Variants in MRAS observed in about 807,000 individuals in gnomAD.
The protein encoded by MRAS is ras-related protein M-Ras.
Under a neutral mutation model 20.9 loss-of-function variants are expected in MRAS, and 4 were observed. The ratio of observed to expected loss-of-function variants is 0.19; its 90% CI spans 0.09 to 0.44. The LOEUF is 0.44. MRAS is among the 20% of genes least tolerant of loss of function. The pLI is 0.99. For missense variants in MRAS, 154 were observed against 277.5 expected, an observed-to-expected ratio of 0.56 and a Z score of 3.16; for synonymous variants, 98 against 102.9, an observed-to-expected ratio of 0.95 and a Z score of 0.29.
intron 1 of MRAS, among the ~76,000 whole-genome samples, chr3:138,367,477 G>A (rs995418756): frequency 6.6e-6 from 1 of 152,128 alleles, no homozygotes; most frequent in African/African-American, 2.4e-5. Flanking sequence ...GACTATTCCT[G>A]GGAGGTCTTA....
At chr3:138,391,750 A>C (rs1430466454) in intron 2 of MRAS, among the ~76,000 whole-genome samples, 8 of 152,258 alleles carry the variant, frequency 5.3e-5, no homozygotes, top group Admixed American at 3.9e-4. Flanking sequence ...CAGATAAAGG[A>C]CAAAACTTAG....
chr3:138,402,277 G>C lies in MRAS; in HGVS notation c.*8G>C, dbSNP rs756972675. 61 of 1,612,944 alleles carry C rather than the reference G, an allele frequency of 3.8e-5. No homozygotes were observed. In the Middle Eastern group the frequency reaches 8.2e-4, roughly 22 times the overall value. On this transcript the variant is annotated 3_prime_UTR_variant, in exon 6 of 6. Coordinates refer to ENST00000423968, the MANE Select transcript of MRAS (RefSeq NM_001085049.3). ...CAATGTGTGATCTTGTGACAGGCCT[G>C]AGGCCCTGGGCACAGTGACGGTGGC...
Position 138,372,892 on chromosome 3 carries a change from C to T in MRAS, c.9C>T (p.Thr3=). MA[T]SAVPSDNLPT... is the part of the protein sequence containing the mutation. ...TCTGACCTACGAGAAACATGGCAAC[C>T]AGCGCCGTCCCCAGTGACAACCTCC... is the stretch of plus-strand genomic sequence containing the variant. The change falls in exon 2 of 6, where the codon ACC becomes ACT. Residue 3 remains threonine (T), a synonymous_variant. Transcript: ENST00000423968. The T allele has an allele frequency of 6.5e-7, 1 of 1,537,052 alleles. No homozygotes were observed. Among genetic ancestry groups the T allele is most frequent in the Non-Finnish European group, 8.7e-7 (1 of 1,150,984 alleles).
At chr3:138,367,702 G>T (rs2108512483) in intron 1 of MRAS, among the ~76,000 whole-genome samples, 1 of 152,342 alleles carries the variant, frequency 6.6e-6, no homozygotes, top group East Asian at 1.9e-4. Context: ...AGCTTCCCAT[G>T]TGTTGGGCTC....
chr3:138,397,214 C>T lies in MRAS; in HGVS notation c.194-110C>T, dbSNP rs184174526. 275 of 1,334,426 alleles carry T rather than the reference C, an allele frequency of 2.1e-4. 1 individual carries two copies. In the Admixed American group the frequency reaches 5.2e-3, roughly 25 times the overall value. The allele number at this position is 1,334,426 out of a possible 1,614,324, so 82.7% of individuals were successfully genotyped here. Reference sequence around the variant, plus strand: ...TTATGCAGCCTCTCACGGGACAGCTCGGACTGGGCCACGGTAGGGACAGCA... The same window carrying T: ...TTATGCAGCCTCTCACGGGACAGCTTGGACTGGGCCACGGTAGGGACAGCA... On this transcript the variant is annotated intron_variant, in intron 2 of 5. Transcript: ENST00000423968.
intron 1 of MRAS, among the ~76,000 whole-genome samples, chr3:138,357,945 C>A (rs1048432323): frequency 6.6e-6 from 1 of 152,220 alleles, no homozygotes; most frequent in African/African-American, 2.4e-5. Flanking sequence ...TGGATACTTT[C>A]CCCCAGACCT....
intron 1 of MRAS, among the ~76,000 whole-genome samples, chr3:138,369,962 C>T (rs1320194090): frequency 6.6e-6 from 1 of 152,202 alleles, no homozygotes. Flanking sequence ...CTTTTCAATA[C>T]CTTCCCACCC....
In MRAS at chr3:138,356,014, TGA is replaced by T. The variant is rs1249022298; in HGVS notation, c.-19+7252_-19+7253del. ...GCAAAAGCCAGCGAAGGCTGGGTGC[TGA>T]GAGACCTCAGAAGGCCCTGCTTTAC... On this transcript the variant is annotated intron_variant, in intron 1 of 5. Transcript: ENST00000423968. 7.2e-5 allele frequency among the ~76,000 whole-genome samples: 11 copies of T among 152,344 alleles called. No individual in the cohort carries two copies. The South Asian group carries it at 2.3e-3, about 32-fold the overall frequency.
In MRAS at chr3:138,373,095, C is replaced by G; in HGVS notation, c.193+19C>G. On this transcript the variant is annotated intron_variant, in intron 2 of 5. Coordinates refer to ENST00000423968, the MANE Select transcript of MRAS (RefSeq NM_001085049.3). ...TTGGACGGTGAGACCTGGGTGGCAGCCCTGCATTGGGTGGGATAGTAGATG... is the reference window on the plus strand; with the variant it reads ...TTGGACGGTGAGACCTGGGTGGCAGGCCTGCATTGGGTGGGATAGTAGATG... 2 of 1,435,706 alleles carry G rather than the reference C, an allele frequency of 1.4e-6. No homozygotes were observed. The highest frequency in any genetic ancestry group is 1.8e-6 in the Non-Finnish European group (2 of 1,091,892). 88.9% of individuals were successfully genotyped at this position (1,435,706 alleles called of 1,614,324 possible).
At chr3:138,371,341 C>T (rs975642624) in intron 1 of MRAS, among the ~76,000 whole-genome samples, 8 of 152,288 alleles carry the variant, frequency 5.3e-5, no homozygotes, top group Admixed American at 2.0e-4. Flanking sequence ...TGTCCAGCCC[C>T]CTTTCTGTCA....
At chr3:138,356,130 C>G (rs1270688169) in intron 1 of MRAS, among the ~76,000 whole-genome samples, 1 of 152,210 alleles carries the variant, frequency 6.6e-6, no homozygotes, top group Non-Finnish European at 1.5e-5. Flanking sequence ...TGGAAATCCA[C>G]ATATGTGTTA....
chr3:138,384,844 A>G (rs2054977408), intron 2 of MRAS, among the ~76,000 whole-genome samples: 1 of 152,220 alleles, frequency 6.6e-6, no homozygotes, highest in Non-Finnish European at 1.5e-5. Flanking sequence ...CCTGCAGCCA[A>G]GTGAAGAAGG....
chr3:138,364,551 C>T (rs906958791), intron 1 of MRAS, among the ~76,000 whole-genome samples: 15 of 152,216 alleles, frequency 9.9e-5, no homozygotes, highest in African/African-American at 3.4e-4. Flanking sequence ...GGGGCCAGTC[C>T]TGAGCTGGGC....
At position 138,392,684 on chromosome 3, in the gene MRAS, T is replaced by C. The variant is rs6800313; in HGVS notation, c.194-4640T>C. ...TCTTTTCTTTTGGTTACCATGTGGCTGGCATGTTCTTTTTATCCTTCCATT... is the reference window on the plus strand; with the variant it reads ...TCTTTTCTTTTGGTTACCATGTGGCCGGCATGTTCTTTTTATCCTTCCATT... On this transcript the variant is annotated intron_variant, in intron 2 of 5. Transcript: ENST00000423968. 9.4e-3 allele frequency among the ~76,000 whole-genome samples: 1,429 copies of C among 152,326 alleles called. 24 individuals are homozygous for C. Among genetic ancestry groups the C allele is most frequent in the African/African-American group, 0.033 (1,371 of 41,562 alleles).
chr3:138,353,644 C>T (rs929092522), intron 1 of MRAS, among the ~76,000 whole-genome samples: 1 of 152,200 alleles, frequency 6.6e-6, no homozygotes, highest in Non-Finnish European at 1.5e-5. Context: ...TCTGTATGTC[C>T]GTCCTTTCTT....
At position 138,348,673 on chromosome 3, in the gene MRAS, C is replaced by T. The variant is rs2054163265; in HGVS notation, c.-113C>T. On this transcript the variant is annotated 5_prime_UTR_variant, in exon 1 of 6. Transcript: ENST00000423968. ...GGCGGGGAGCCGTCAGTCCGGCGGC[C>T]GCGGGGCCCGGCGGGCGCGACGCTG... The T allele has an allele frequency of 6.6e-6, 1 of 151,582 alleles. No homozygotes were observed. Among genetic ancestry groups the T allele is most frequent in the Non-Finnish European group, 1.5e-5 (1 of 67,856 alleles). The allele number at this position is 151,582 out of a possible 1,614,324, so 9.4% of individuals were successfully genotyped here. A position where few individuals can be genotyped will look rare whatever the true frequency, so the allele number is the denominator to read the frequency against.
At chr3:138,388,961 C>A (rs992613202) in intron 2 of MRAS, among the ~76,000 whole-genome samples, 1 of 152,132 alleles carries the variant, frequency 6.6e-6, no homozygotes, top group East Asian at 2.0e-4. Flanking sequence ...CCTGCCTCAG[C>A]CTCCCGAGGT....
chr3:138,357,913 A>G (rs1196864806), intron 1 of MRAS, among the ~76,000 whole-genome samples: 1 of 152,166 alleles, frequency 6.6e-6, no homozygotes, highest in African/African-American at 2.4e-5. Flanking sequence ...GTTTACTGCT[A>G]TTTTCCAGGG....
At chr3:138,360,267 T>C (rs1560163841) in intron 1 of MRAS, among the ~76,000 whole-genome samples, 1 of 152,142 alleles carries the variant, frequency 6.6e-6, no homozygotes, top group Non-Finnish European at 1.5e-5. Context: ...CAGGGGCCTG[T>C]GAGATGCAGA....
Sources: allele counts gnomAD v4.1 joint callset (sites outside exome capture counted in the v4.1 genomes callset), GRCh38; gene constraint gnomAD v4.1.1; transcripts MANE v1.5; gene names NCBI Gene and HGNC (gene_info 2026-07-23, HGNC 2026-07-21).